COBL: variants seen among roughly 807,000 people sequenced by gnomAD.
COBL encodes protein cordon-bleu.
COBL carries 51 observed loss-of-function variants against 98.8 expected under a neutral mutation model. The observed-to-expected ratio is 0.52, with a 90% CI of 0.41 to 0.65. COBL has a LOEUF of 0.65. COBL is among the 30% of genes least tolerant of loss of function. The pLI, the probability that COBL is intolerant of heterozygous loss-of-function variation, is 0.00. For missense variants in COBL, 1,617 were observed against 1,617.5 expected, an observed-to-expected ratio of 1.00 and a Z score of 0.01; for synonymous variants, 634 against 651.7, an observed-to-expected ratio of 0.97 and a Z score of 0.41.
intron 8 of COBL, chr7:51,032,660 T>C (rs1788277052): frequency 1.3e-5 from 2 of 152,162 alleles, no homozygotes; most frequent in South Asian, 2.1e-4. Context: ...AGGGGGCTGG[T>C]TGGAGATGTG....
At chr7:51,110,613 G>C (rs1796736186) in intron 6 of COBL, among the ~76,000 whole-genome samples, 1 of 152,184 alleles carries the variant, frequency 6.6e-6, no homozygotes, top group South Asian at 2.1e-4. Context: ...GTTGTGATCT[G>C]TGAGGTTTTG....
At chr7:51,168,038 C>T (rs1021575085) in intron 5 of COBL, among the ~76,000 whole-genome samples, 14 of 152,104 alleles carry the variant, frequency 9.2e-5, no homozygotes, top group African/African-American at 3.1e-4. Context: ...CAAGTATAGG[C>T]AACCAAAGCA....
chr7:51,108,120 G>A (rs1217289023), intron 6 of COBL, among the ~76,000 whole-genome samples: 1 of 152,138 alleles, frequency 6.6e-6, no homozygotes, highest in Non-Finnish European at 1.5e-5. Context: ...CCAGCCTCCA[G>A]CACTCCTAAC....
intron 6 of COBL, among the ~76,000 whole-genome samples, chr7:51,103,914 G>C (rs976639206): frequency 6.6e-6 from 1 of 152,182 alleles, no homozygotes; most frequent in Non-Finnish European, 1.5e-5. Context: ...ACCTGGCCTC[G>C]GCCCCAGCCT....
intron 1 of COBL, among the ~76,000 whole-genome samples, chr7:51,270,839 CA>C (rs113431445): frequency 1.5e-4 from 23 of 149,086 alleles, no homozygotes; most frequent in African/African-American, 5.2e-4. Flanking sequence ...AAATCAAAAC[CA>C]AAAAAAAACA....
intron 5 of COBL, among the ~76,000 whole-genome samples, chr7:51,143,716 A>T (rs1784769542): frequency 6.6e-6 from 1 of 152,230 alleles, no homozygotes; most frequent in South Asian, 2.1e-4. Context: ...CCAAATCAGG[A>T]AGGCTTCCCT....
chr7:51,113,395 C>A (rs1797008259), intron 6 of COBL, among the ~76,000 whole-genome samples: 1 of 152,144 alleles, frequency 6.6e-6, no homozygotes, highest in Non-Finnish European at 1.5e-5. Flanking sequence ...TATAAAGTGT[C>A]CATTAAGAAA....
In COBL at chr7:51,188,062, C is replaced by A. The variant is rs560910832; in HGVS notation, c.685+2788G>T. 60 of 945,398 alleles carry A rather than the reference C, an allele frequency of 6.3e-5. 2 individuals are homozygous for A. In the South Asian group the frequency reaches 2.5e-3, roughly 39 times the overall value. The allele number at this position is 945,398 out of a possible 1,614,324, so 58.6% of individuals were successfully genotyped here. On this transcript the variant is annotated intron_variant, in intron 4 of 12. Transcript: ENST00000265136. Reference sequence around the variant, plus strand: ...CAAGCCTCAGAGGGGGGCTGTCCTGCTGCAGCAGTGAGAAGGTCTCTTGCT... The same window carrying A: ...CAAGCCTCAGAGGGGGGCTGTCCTGATGCAGCAGTGAGAAGGTCTCTTGCT...
chr7:51,101,740 A>G (rs11762540), intron 6 of COBL, among the ~76,000 whole-genome samples: 60,727 of 152,112 alleles, frequency 0.4, 12,289 homozygotes, highest in East Asian at 0.56. Context: ...AAATACTTTA[A>G]AAGTCTATCT....
At chr7:51,122,887 G>A (rs1797865659) in intron 6 of COBL, among the ~76,000 whole-genome samples, 2 of 151,948 alleles carry the variant, frequency 1.3e-5, no homozygotes, top group Admixed American at 1.3e-4. Flanking sequence ...GCTGATGCAG[G>A]AGAATCGCTT....
chr7:51,070,299 G>C (rs1792394117), intron 7 of COBL, among the ~76,000 whole-genome samples: 1 of 151,836 alleles, frequency 6.6e-6, no homozygotes, highest in African/African-American at 2.4e-5. Flanking sequence ...TTTGCTTGTT[G>C]TCATTTTACC....
At chr7:51,237,568 G>A (rs1795384805) in intron 1 of COBL, among the ~76,000 whole-genome samples, 2 of 139,332 alleles carry the variant, frequency 1.4e-5, no homozygotes, top group Admixed American at 7.3e-5. Context: ...TTCCAAAATA[G>A]GAGAGGGTGT....
intron 4 of COBL, among the ~76,000 whole-genome samples, chr7:51,185,096 G>A (rs1017423079): frequency 1.3e-5 from 2 of 152,104 alleles, no homozygotes. Context: ...TCTTCATCAG[G>A]ATTCTAGAGC....
chr7:51,052,352 A>C (rs755550320), intron 7 of COBL, among the ~76,000 whole-genome samples: 19 of 152,214 alleles, frequency 1.2e-4, no homozygotes, highest in Admixed American at 2.0e-4. Flanking sequence ...AATCCTACTG[A>C]GTATATCTGC....
intron 5 of COBL, among the ~76,000 whole-genome samples, chr7:51,170,439 T>C (rs1787739243): frequency 6.7e-6 from 1 of 149,920 alleles, no homozygotes; most frequent in Non-Finnish European, 1.5e-5. Context: ...GGGTTTTCCT[T>C]ATTCTTGCTT....
intron 1 of COBL, among the ~76,000 whole-genome samples, chr7:51,304,234 C>T (rs1404624431): frequency 6.6e-6 from 1 of 152,204 alleles, no homozygotes; most frequent in East Asian, 1.9e-4. Context: ...GGGCAAAACA[C>T]AATGACCTCT....
At chr7:51,234,438 C>T (rs576147685) in intron 1 of COBL, among the ~76,000 whole-genome samples, 1 of 152,240 alleles carries the variant, frequency 6.6e-6, no homozygotes, top group Non-Finnish European at 1.5e-5. Context: ...CAGTGACTCA[C>T]GCCTGTAATC....
At chr7:51,223,785 T>G (rs1417511686) in intron 1 of COBL, among the ~76,000 whole-genome samples, 2 of 152,232 alleles carry the variant, frequency 1.3e-5, no homozygotes, top group Non-Finnish European at 2.9e-5. Context: ...TGGAAGCACT[T>G]GGGGAGCTTA....
At position 51,102,417 on chromosome 7, in the gene COBL, A is replaced by T. The variant is rs148751393; in HGVS notation, c.958-17113T>A. 3.9e-5 allele frequency among the ~76,000 whole-genome samples: 6 copies of T among 152,262 alleles called. No individual in the cohort carries two copies. In the East Asian group the frequency reaches 1.2e-3, roughly 29 times the overall value. ...TAAGGGGGAGGGAAGTTCTAACTTA[A>T]AGAGGACAGATAAGAACTCTCACCA... On this transcript the variant is annotated intron_variant, in intron 6 of 12. Coordinates refer to ENST00000265136, the MANE Select transcript of COBL (RefSeq NM_015198.5).
Sources: gnomAD v4.1 joint callset for allele counts (sites outside exome capture counted in the v4.1 genomes callset) on GRCh38, gnomAD v4.1.1 for gene constraint, MANE v1.5 for transcripts, NCBI Gene and HGNC (gene_info 2026-07-23, HGNC 2026-07-21) for gene names.